Variants in MAP3K15 observed in about 807,000 individuals in gnomAD.
MAP3K15 encodes the protein MAPK/ERK kinase kinase 15.
Under a neutral mutation model 99.5 loss-of-function variants are expected in MAP3K15, and 124 were observed. That is an observed-to-expected ratio of 1.25 (90% confidence interval 1.08 to 1.45). MAP3K15 has a LOEUF of 1.45. MAP3K15 is among the 40% of genes most tolerant of loss of function. The pLI is 0.00. For missense variants in MAP3K15, 1,242 were observed against 1,079.7 expected (o/e 1.15, Z -2.11); for synonymous variants, 494 against 439.6 (o/e 1.12, Z -1.55).
chrX:19,488,210 G>C (rs1419213439), intron 2 of MAP3K15, among the ~76,000 whole-genome samples: 1 of 111,690 alleles, frequency 9.0e-6, no homozygotes, highest in Non-Finnish European at 1.9e-5. Flanking sequence ...ACAAATGCAA[G>C]CATTTTTTAA....
intron 4 of MAP3K15, among the ~76,000 whole-genome samples, chrX:19,463,006 A>T (rs2064142496): frequency 2.7e-5 from 3 of 112,404 alleles, no homozygotes; most frequent in African/African-American, 9.7e-5. Flanking sequence ...CAAAGACCTA[A>T]ATCATCTGGC....
intron 3 of MAP3K15, among the ~76,000 whole-genome samples, chrX:19,476,393 T>C (rs1278563099): frequency 9.0e-6 from 1 of 111,558 alleles, no homozygotes; most frequent in East Asian, 2.8e-4. Flanking sequence ...CCCAGGAAAA[T>C]TTAGGGAGCA....
chrX:19,409,782 G>T, intron 12 of MAP3K15, 142 bp downstream of exon 12: 1 of 467,328 alleles, frequency 2.1e-6, no homozygotes, highest in Non-Finnish European at 3.5e-6. Context: ...GCTCAGGAAG[G>T]ACAACATAAT....
chrX:19,400,722 TTTA>T, intron 13 of MAP3K15, 59 bp from the exon 14 acceptor site: 1 of 800,595 alleles, frequency 1.2e-6, no homozygotes, highest in South Asian at 2.3e-5. Context: ...ATTCCTTGTT[TTTA>T]ACTTAGCTTT....
chrX:19,458,275 C>A (rs1204038621), intron 5 of MAP3K15, among the ~76,000 whole-genome samples: 1 of 112,382 alleles, frequency 8.9e-6, no homozygotes, highest in African/African-American at 3.2e-5. Flanking sequence ...AAGGGAAGGA[C>A]AAAAAGCAGC....
At chrX:19,431,286 G>C (rs932071202) in intron 7 of MAP3K15, among the ~76,000 whole-genome samples, 152 bp downstream of exon 7, 2 of 111,136 alleles carry the variant, frequency 1.8e-5, no homozygotes, top group African/African-American at 6.6e-5. Flanking sequence ...CTCAAAAAGG[G>C]AATCTGAAAA....
intron 1 of MAP3K15, among the ~76,000 whole-genome samples, chrX:19,495,508 C>G (rs1245507168): frequency 9.0e-6 from 1 of 110,614 alleles, no homozygotes; most frequent in Non-Finnish European, 1.9e-5. Context: ...TTTTGCTTCC[C>G]AGTATCAAAT....
chrX:19,492,845 T>A (rs1033994624), intron 1 of MAP3K15, among the ~76,000 whole-genome samples: 1 of 110,209 alleles, frequency 9.1e-6, no homozygotes, highest in African/African-American at 3.3e-5. Flanking sequence ...TGGGCGCCTG[T>A]AATCCCAGCT....
intron 1 of MAP3K15, chrX:19,496,848 C>T (rs2064406534): frequency 8.9e-6 from 1 of 112,006 alleles, no homozygotes; most frequent in Non-Finnish European, 1.9e-5. Flanking sequence ...TTCACCCATT[C>T]TGTGCTCTAC....
intron 28 of MAP3K15, chrX:19,361,086 C>G: frequency 2.4e-6 from 1 of 420,096 alleles, no homozygotes; most frequent in Non-Finnish European, 4.1e-6. Flanking sequence ...CGTGCAGGCA[C>G]GCTTGCCATG....
At chrX:19,419,134 T>C (rs1436153317) in intron 9 of MAP3K15, among the ~76,000 whole-genome samples, 1 of 111,836 alleles carries the variant, frequency 8.9e-6, no homozygotes, top group Non-Finnish European at 1.9e-5. Flanking sequence ...CATCAACTAA[T>C]GAGCAAAATA....
rs182082025 is a variant in MAP3K15 at position 19,441,992 on chromosome X, G to A, written c.996-10384C>T. ...ACATCCACATTGGAATAGTGCATGAGTGAAAAGAAACTTCCATCATGTGAA... is the reference window on the plus strand; with the variant it reads ...ACATCCACATTGGAATAGTGCATGAATGAAAAGAAACTTCCATCATGTGAA... On this transcript the variant is annotated intron_variant, in intron 6 of 28. Transcript: ENST00000338883. Among the ~76,000 whole-genome samples the A allele has an allele frequency of 1.4e-4, 16 of 112,212 alleles. No individual in the cohort carries two copies. In the East Asian group the frequency reaches 4.2e-3, roughly 29 times the overall value.
rs180913945 is a variant in MAP3K15 at position 19,435,099 on chromosome X, G to A, written c.996-3491C>T. Among the ~76,000 whole-genome samples the A allele has an allele frequency of 4.6e-4, 51 of 111,889 alleles. 2 individuals are homozygous for A. The East Asian group carries it at 0.013, about 27-fold the overall frequency. On this transcript the variant is annotated intron_variant, in intron 6 of 28. Transcript: ENST00000338883. ...CATTTAAATAATTTCTAATGTCTGT[G>A]GCAAGAATATGAAAAAGATTGAAAC...
intron 6 of MAP3K15, among the ~76,000 whole-genome samples, chrX:19,440,818 T>C (rs1447371967): frequency 8.9e-6 from 1 of 112,678 alleles, no homozygotes; most frequent in African/African-American, 3.2e-5. Context: ...TGTAGCAGCA[T>C]CACCAAGCCC....
intron 3 of MAP3K15, among the ~76,000 whole-genome samples, chrX:19,475,206 A>C (rs2064234099): frequency 9.0e-6 from 1 of 111,026 alleles, no homozygotes; most frequent in Non-Finnish European, 1.9e-5. Context: ...ATCAGGCATG[A>C]GTTTCTCATA....
chrX:19,447,709 C>T (rs750059400), intron 6 of MAP3K15, among the ~76,000 whole-genome samples: 21 of 95,724 alleles, frequency 2.2e-4, no homozygotes, highest in African/African-American at 7.7e-4. Context: ...GCGGTGAAAC[C>T]CCGTCTCTAC....
intron 1 of MAP3K15, among the ~76,000 whole-genome samples, chrX:19,496,067 T>A (rs1228989789): frequency 1.7e-5 from 1 of 58,473 alleles, no homozygotes; most frequent in Middle Eastern, 6.5e-3. Flanking sequence ...ATCACCCCAA[T>A]TTTTTTTTTT....
chrX:19,395,087 G>A lies in MAP3K15; in HGVS notation c.2188C>T (p.Pro730Ser). ...GAAGACAGCGACTACTCACCTCCAG[G>A]CACCTGCTCCATAAATATCTTAATG... is the stretch of plus-strand genomic sequence containing the variant. Reference protein sequence around the residue: ...GYIKIFMEQVPGGSLSALLRS... With the variant: ...GYIKIFMEQVSGGSLSALLRS... Residue 730 changes from proline (P) to serine (S), a missense_variant, in exon 16 of 29, where the codon CCT (proline) becomes TCT (serine). Pro to Ser is a moderately conservative substitution (Grantham distance 74). Transcript: ENST00000338883. 2 of 1,207,009 alleles carry A rather than the reference G, an allele frequency of 1.7e-6. No homozygotes were observed. The highest frequency in any genetic ancestry group is 2.2e-6 in the Non-Finnish European group (2 of 892,739).
At chrX:19,422,280 AT>A (rs2063793847) in intron 9 of MAP3K15, among the ~76,000 whole-genome samples, 1 of 111,863 alleles carries the variant, frequency 8.9e-6, no homozygotes, top group African/African-American at 3.3e-5. Context: ...CAATCTACTC[AT>A]CTGACAAATG....
Sources: allele counts gnomAD v4.1 joint callset (sites outside exome capture counted in the v4.1 genomes callset), GRCh38; gene constraint gnomAD v4.1.1; transcripts MANE v1.5; gene names NCBI Gene and HGNC (gene_info 2026-07-23, HGNC 2026-07-21).